The following DUSP22 variants were observed in gnomAD, a reference collection of about 807,000 sequenced individuals.
DUSP22 encodes the protein dual specificity protein phosphatase 22.
In DUSP22, 24 loss-of-function variants were observed where a neutral mutation model predicts 24.5. That is an observed-to-expected ratio of 0.98 (90% CI 0.71 to 1.38). DUSP22 has a LOEUF of 1.38. DUSP22 is among the 40% of genes most tolerant of loss of function. The pLI, the probability that DUSP22 is intolerant of heterozygous loss-of-function variation, is 0.00. For missense variants in DUSP22, 330 were observed against 269.2 expected, an observed-to-expected ratio of 1.23 and a Z score of -1.58; for synonymous variants, 160 against 106.4, an observed-to-expected ratio of 1.50 and a Z score of -3.10.
chr6:338,300 C>G (rs1759451299), intron 4 of DUSP22, among the ~76,000 whole-genome samples: 1 of 152,304 alleles, frequency 6.6e-6, no homozygotes, highest in African/African-American at 2.4e-5. Context: ...TGTTAAGAGG[C>G]AGGCGATGAA....
intron 1 of DUSP22, among the ~76,000 whole-genome samples, chr6:301,199 G>A (rs1757566134): frequency 2.0e-5 from 3 of 152,410 alleles, no homozygotes; most frequent in South Asian, 4.1e-4. Flanking sequence ...TTCAGAGACT[G>A]GAAAACCAAT....
rs1026734983 is a variant in DUSP22 at position 348,535 on chromosome 6, G to T, written c.436-234G>T. ...GTTTGTTTCTCTCCCTTTGGGTGAC[G>T]TACCATTTCCTTGGTCTGGCCTATT... On this transcript the variant is annotated intron_variant, in intron 6 of 6. Transcript: ENST00000419235. The T allele has an allele frequency of 5.9e-6, 5 of 851,724 alleles. No individual in the cohort carries two copies. In the Admixed American group the frequency reaches 1.5e-4, roughly 25 times the overall value. 52.8% of individuals were successfully genotyped at this position (851,724 alleles called of 1,614,324 possible).
chr6:321,843 G>A (rs1321066492), intron 3 of DUSP22, among the ~76,000 whole-genome samples: 2 of 152,306 alleles, frequency 1.3e-5, no homozygotes, highest in Non-Finnish European at 2.9e-5. Flanking sequence ...GGATGCCTGA[G>A]GGTACAGCTA....
intron 1 of DUSP22, among the ~76,000 whole-genome samples, chr6:301,168 TC>T (rs1757564455): frequency 6.6e-6 from 1 of 152,272 alleles, no homozygotes; most frequent in African/African-American, 2.4e-5. Flanking sequence ...GGCCAGGGTA[TC>T]CCCAAACCTA....
chr6:301,049 T>TA (rs1379148094), intron 1 of DUSP22, among the ~76,000 whole-genome samples: 1 of 152,302 alleles, frequency 6.6e-6, no homozygotes, highest in African/African-American at 2.4e-5. Flanking sequence ...GCAGACTTGT[T>TA]ACACGTGGGT....
chr6:318,946 AT>A (rs1395717972), intron 3 of DUSP22, among the ~76,000 whole-genome samples: 1 of 152,312 alleles, frequency 6.6e-6, no homozygotes, highest in Non-Finnish European at 1.5e-5. Context: ...TTATAGGATG[AT>A]ACCCATCATA....
chr6:322,782 G>A (rs1581168379), intron 3 of DUSP22, among the ~76,000 whole-genome samples: 1 of 148,576 alleles, frequency 6.7e-6, no homozygotes. Context: ...GGTGGTGATG[G>A]AAGAGGACAT....
At chr6:327,548 C>G (rs1220282515) in intron 3 of DUSP22, among the ~76,000 whole-genome samples, 1 of 152,302 alleles carries the variant, frequency 6.6e-6, no homozygotes, top group Non-Finnish European at 1.5e-5. Flanking sequence ...ATGACCACAG[C>G]CGTGGGAGTT....
chr6:295,799 CAAAAA>C (rs61498181), intron 1 of DUSP22, among the ~76,000 whole-genome samples: 13 of 137,966 alleles, frequency 9.4e-5, no homozygotes, highest in African/African-American at 2.4e-4. Context: ...GACCCTGTTT[CAAAAA>C]AAAAAAAAAA....
intron 3 of DUSP22, among the ~76,000 whole-genome samples, chr6:319,627 T>C (rs999981502): frequency 6.6e-6 from 1 of 152,310 alleles, no homozygotes; most frequent in African/African-American, 2.4e-5. Context: ...CGTTGGCCAT[T>C]GTTTCCAGCG....
In DUSP22 at chr6:349,258, TG is replaced by T; in HGVS notation, c.*308del. On this transcript the variant is annotated 3_prime_UTR_variant, in exon 7 of 7. Transcript: ENST00000419235. ...GGGTGACTAAGTGGATGCATGTGTGTGCCTGTGTGAGTGAGGGTATGTGCAC... is the reference window on the plus strand; with the variant it reads ...GGGTGACTAAGTGGATGCATGTGTGTCCTGTGTGAGTGAGGGTATGTGCAC... 7.5e-7 allele frequency: 1 copy of T among 1,337,572 alleles called. No homozygotes were observed. The highest frequency in any genetic ancestry group is 9.6e-7 in the Non-Finnish European group (1 of 1,040,242). 82.9% of individuals were successfully genotyped at this position (1,337,572 alleles called of 1,614,324 possible).
intron 3 of DUSP22, among the ~76,000 whole-genome samples, chr6:315,424 C>T (rs1025415121): frequency 8.5e-5 from 13 of 152,416 alleles, no homozygotes; most frequent in Admixed American, 3.3e-4. Context: ...CCATGGCTGT[C>T]TGGGTAGCTT....
At chr6:309,483 G>T (rs1757967510) in intron 2 of DUSP22, among the ~76,000 whole-genome samples, 1 of 152,310 alleles carries the variant, frequency 6.6e-6, no homozygotes, top group African/African-American at 2.4e-5. Context: ...GCAATGAAAA[G>T]AGTCTTAAAA....
intron 4 of DUSP22, among the ~76,000 whole-genome samples, chr6:339,252 T>C (rs1759490300): frequency 6.6e-6 from 1 of 152,306 alleles, no homozygotes; most frequent in African/African-American, 2.4e-5. Context: ...GCTTTTGCTT[T>C]CTCTCTGGGA....
intron 4 of DUSP22, among the ~76,000 whole-genome samples, chr6:342,359 C>T (rs1231688938): frequency 6.6e-6 from 1 of 152,300 alleles, no homozygotes; most frequent in African/African-American, 2.4e-5. Context: ...TCTTGGCACC[C>T]TTGGGGGGCC....
At chr6:297,948 G>A (rs1757417166) in intron 1 of DUSP22, among the ~76,000 whole-genome samples, 1 of 152,312 alleles carries the variant, frequency 6.6e-6, no homozygotes, top group Non-Finnish European at 1.5e-5. Context: ...GTTAGATCCT[G>A]TAGTGAGCTG....
At position 307,241 on chromosome 6, in the gene DUSP22, A is replaced by G. The variant is rs1489658491; in HGVS notation, c.55+2580A>G. 2.0e-5 allele frequency among the ~76,000 whole-genome samples: 3 copies of G among 152,302 alleles called. No homozygotes were observed. In the East Asian group the frequency reaches 5.8e-4, roughly 29 times the overall value. ...ACCAGTAGAGTAGAAAGGAACGTAA[A>G]CAGTCACTCCCTTCTTCTGTCCCTT... On this transcript the variant is annotated intron_variant, in intron 2 of 6. Transcript: ENST00000419235.
At chr6:293,783 G>A (rs1001943546) in intron 1 of DUSP22, among the ~76,000 whole-genome samples, 6 of 150,412 alleles carry the variant, frequency 4.0e-5, no homozygotes, top group Admixed American at 1.3e-4. Flanking sequence ...TTTTGGTAAA[G>A]AGAATTGTAT....
At chr6:301,838 C>A (rs968191579) in intron 1 of DUSP22, among the ~76,000 whole-genome samples, 1 of 152,280 alleles carries the variant, frequency 6.6e-6, no homozygotes, top group Non-Finnish European at 1.5e-5. Context: ...GGGCTCCAGA[C>A]GATGAATTTA....
Sources: allele counts gnomAD v4.1 joint callset (sites outside exome capture counted in the v4.1 genomes callset), GRCh38; gene constraint gnomAD v4.1.1; transcripts MANE v1.5; gene names NCBI Gene and HGNC (gene_info 2026-07-23, HGNC 2026-07-21).